GGT1: variants seen among roughly 807,000 people sequenced by gnomAD.
The protein encoded by GGT1 is glutathione hydrolase 1 proenzyme.
Under a neutral mutation model 56.0 loss-of-function variants are expected in GGT1, and 21 were observed. The ratio of observed to expected loss-of-function variants is 0.38; its 90% CI spans 0.27 to 0.54. The LOEUF (loss-of-function observed/expected upper bound fraction) is 0.54, where lower values mean the gene tolerates loss of function less well. GGT1 is among the 20% of genes least tolerant of loss of function. The probability of loss-of-function intolerance (pLI) is 0.82; values close to 1 mark genes in which losing one functional copy is unlikely to be tolerated. For missense variants in GGT1, 466 were observed against 787.0 expected (o/e 0.59, Z 4.88); for synonymous variants, 238 against 342.6 (o/e 0.69, Z 3.37).
At chr22:24,594,897 C>G (rs1013183491) in intron 1 of GGT1, 1 of 152,434 alleles carries the variant, frequency 6.6e-6, no homozygotes, top group Non-Finnish European at 1.5e-5. Flanking sequence ...GTAAGCCCTC[C>G]TCCTCTTCCC....
chr22:24,614,792 G>C lies in GGT1; in HGVS notation c.181G>C (p.Gly61Arg). 1.2e-6 allele frequency: 2 copies of C among 1,613,638 alleles called. No individual in the cohort carries two copies. Among genetic ancestry groups the C allele is most frequent in the Non-Finnish European group, 1.7e-6 (2 of 1,179,760 alleles). ...SKIGRDALRD[G>R]GSAVDAAIAA... The stretch of plus-strand genomic sequence containing the variant: ...ACATGGCAGGGATGCACTGCGGGAC[G>C]GTGGCTCTGCGGTGGATGCAGCCAT... Residue 61 changes from glycine to arginine, a missense_variant, in exon 6 of 16, where the codon GGT becomes CGT. Physicochemically the swap from Gly to Arg is moderately radical, Grantham distance 125. This residue lies in a region of GGT1 where 456 missense variants were observed against 716.7 expected (regional missense o/e 0.64). Coordinates refer to ENST00000400382, the MANE Select transcript of GGT1 (RefSeq NM_001288833.2).
the GGT1 span, chr22:24,588,763 C>T: frequency 9.7e-7 from 1 of 1,030,872 alleles, no homozygotes; most frequent in Non-Finnish European, 1.2e-6. Flanking sequence ...CAAGCCAGGT[C>T]AGCGTGTTCT....
chr22:24,608,467 G>C (rs1288620514), intron 2 of GGT1, among the ~76,000 whole-genome samples: 1 of 152,184 alleles, frequency 6.6e-6, no homozygotes, highest in Non-Finnish European at 1.5e-5. Context: ...ACCCTGACCG[G>C]GGGCTCAGCT....
intron 5 of GGT1, among the ~76,000 whole-genome samples, chr22:24,613,206 G>T (rs1407733822): frequency 6.6e-6 from 1 of 152,126 alleles, no homozygotes; most frequent in African/African-American, 2.4e-5. Context: ...CCCCTGAGTA[G>T]CTAGGACTAC....
At chr22:24,601,306 A>G (rs1415810698), upstream of GGT1, among the ~76,000 whole-genome samples, 4 of 152,090 alleles carry the variant, frequency 2.6e-5, no homozygotes, top group East Asian at 7.7e-4. Context: ...GGCCCTCACC[A>G]TGGCCCACTC....
chr22:24,607,605 G>A (rs1375332729), intron 1 of GGT1: 16 of 159,014 alleles, frequency 1.0e-4, no homozygotes, highest in Admixed American at 5.2e-4. Flanking sequence ...CTGCTGTGAC[G>A]TCAGCTTCCC....
At chr22:24,617,795 A>C (rs552961153) in intron 7 of GGT1, among the ~76,000 whole-genome samples, 1 of 152,080 alleles carries the variant, frequency 6.6e-6, no homozygotes, top group African/African-American at 2.4e-5. Context: ...GGTCAATTTG[A>C]GAGTTGTCAG....
intron 9 of GGT1, among the ~76,000 whole-genome samples, chr22:24,622,155 C>G (rs2047456214): frequency 7.2e-6 from 1 of 139,170 alleles, no homozygotes; most frequent in Non-Finnish European, 1.5e-5. Context: ...AGGTCCAAGA[C>G]AAGCCTGGGC....
chr22:24,606,872 C>T (rs1344564783), intron 1 of GGT1, among the ~76,000 whole-genome samples: 2 of 151,656 alleles, frequency 1.3e-5, no homozygotes, highest in African/African-American at 2.4e-5. Flanking sequence ...GCTGCAGGGG[C>T]TCTCCGGCAC....
intron 9 of GGT1, 21 bp from the exon 10 acceptor site, chr22:24,623,086 T>C (rs534982468): frequency 1.4e-5 from 23 of 1,611,746 alleles, no homozygotes; most frequent in Non-Finnish European, 1.9e-5. Flanking sequence ...AGCACCCATT[T>C]GAGCTGCTGT....
intron 4 of GGT1, 35 bp from the exon 5 acceptor site, chr22:24,611,040 T>A: frequency 1.3e-6 from 2 of 1,573,716 alleles, no homozygotes; most frequent in Non-Finnish European, 1.7e-6. Context: ...TGTCTGAGGC[T>A]AGGCCTGACC....
rs566496589 is a variant in GGT1 at position 24,620,120 on chromosome 22, G to A, written c.383-208G>A. 3.1e-4 allele frequency among the ~76,000 whole-genome samples: 47 copies of A among 152,294 alleles called. No individual in the cohort carries two copies. Among genetic ancestry groups the A allele is most frequent in the African/African-American group, 1.1e-3 (46 of 41,572 alleles). On this transcript the variant is annotated intron_variant, in intron 7 of 15. Transcript: ENST00000400382. The surrounding 1 kb of genome is among the most constrained non-coding windows in gnomAD (Gnocchi z 5.6). ...AATCTCAGCGACTCAGGAGGCTGAG[G>A]TGGGAGGATCGCTTGAATCCAGGAG...
In GGT1 at chr22:24,606,079, TCA is replaced by T. The variant is rs1569050271; in HGVS notation, c.-428-1874_-428-1873del. Among the ~76,000 whole-genome samples the T allele has an allele frequency of 7.0e-3, 711 of 101,988 alleles. 91 individuals are homozygous for T. Among genetic ancestry groups the T allele is most frequent in the African/African-American group, 0.033 (670 of 20,348 alleles). 66.9% of individuals were successfully genotyped at this position (101,988 alleles called of 152,430 possible). ...ATATTTATATAATTTATATAATATATCATATATTATATTTATATAATTTATAT... is the reference window on the plus strand; with the variant it reads ...ATATTTATATAATTTATATAATATATTATATTATATTTATATAATTTATAT... On this transcript the variant is annotated intron_variant, in intron 1 of 15. Coordinates refer to ENST00000400382, the MANE Select transcript of GGT1 (RefSeq NM_001288833.2).
At chr22:24,607,792 G>A (rs1476268701) in intron 1 of GGT1, 162 bp from the exon 2 acceptor site, 1 of 342,438 alleles carries the variant, frequency 2.9e-6, no homozygotes, top group Non-Finnish European at 6.0e-6. Context: ...CCTCCTCGGA[G>A]GTGGCCACCC....
chr22:24,628,772 T>C lies in GGT1; in HGVS notation c.1643T>C (p.Val548Ala). The change falls in exon 16 of 16, where the codon GTC becomes GCC. Residue 548 changes from valine to alanine, a missense_variant. Physicochemically the swap from Val to Ala is moderately conservative, Grantham distance 64 (BLOSUM62 0). Coordinates refer to ENST00000400382, the MANE Select transcript of GGT1 (RefSeq NM_001288833.2). This position sits in a 1 kb window ranked among gnomAD's most constrained non-coding sequence, Gnocchi z 5.7. ...TTCATCGCTGTGGTGCAAGCCATCG[T>C]CCGCACGGCTGGTGGCTGGGCAGCT... ...STFIAVVQAI[V>A]RTAGGWAAAS... 1 of 1,608,180 alleles carries C rather than the reference T, an allele frequency of 6.2e-7. No homozygotes were observed. The highest frequency in any genetic ancestry group is 8.5e-7 in the Non-Finnish European group (1 of 1,177,230).
In GGT1 at chr22:24,605,819, ATAT is replaced by A. The variant is rs1472345365; in HGVS notation, c.-428-2131_-428-2129del. Among the ~76,000 whole-genome samples, 3 of 58,136 alleles carry A rather than the reference ATAT, an allele frequency of 5.2e-5. 1 individual carries two copies. Among genetic ancestry groups the A allele is most frequent in the Non-Finnish European group, 7.4e-5 (3 of 40,772 alleles). The allele number at this position is 58,136 out of a possible 152,430, so 38.1% of individuals were successfully genotyped here. ...ATATATGATGTGTATTATATATTAT[ATAT>A]TATATGATGTGTATTATATATTATA... On this transcript the variant is annotated intron_variant, in intron 1 of 15. Coordinates refer to ENST00000400382, the MANE Select transcript of GGT1 (RefSeq NM_001288833.2).
chr22:24,608,682 A>T (rs1601671166), intron 2 of GGT1, among the ~76,000 whole-genome samples: 1 of 152,064 alleles, frequency 6.6e-6, no homozygotes, highest in Admixed American at 6.6e-5. Context: ...TTTGAGACGG[A>T]GTTTCACTCT....
At chr22:24,597,430 T>C (rs943927882) in intron 1 of GGT1, among the ~76,000 whole-genome samples, 2 of 152,216 alleles carry the variant, frequency 1.3e-5, no homozygotes, top group African/African-American at 4.8e-5. Flanking sequence ...TTCCAGCACT[T>C]TGGGGAGGCT....
chr22:24,590,268 T>C (rs554181151), upstream of GGT1, among the ~76,000 whole-genome samples: 7 of 152,240 alleles, frequency 4.6e-5, no homozygotes, highest in East Asian at 1.4e-3. Flanking sequence ...GCTGGGGCTA[T>C]AGACAGGCAC....
Sources: gnomAD v4.1 joint callset for allele counts (sites outside exome capture counted in the v4.1 genomes callset) on GRCh38, gnomAD v4.1.1 for gene constraint, gnomAD v4.1.1 regional missense constraint, Gnocchi (gnomAD v3.1) non-coding constraint, MANE v1.5 for transcripts, NCBI Gene and HGNC (gene_info 2026-07-23, HGNC 2026-07-21) for gene names.